Variants in NTRK2 observed in about 807,000 individuals in gnomAD.
NTRK2 encodes BDNF/NT-3 growth factors receptor.
NTRK2 carries 13 observed loss-of-function variants against 94.5 expected under a neutral mutation model. The observed-to-expected ratio is 0.14, with a 90% CI of 0.09 to 0.22. NTRK2 has a LOEUF of 0.22. Ranked by LOEUF, NTRK2 falls within the 10% of genes least tolerant of loss-of-function variation. The pLI is 1.00. For synonymous variants in NTRK2, 372 were observed against 407.4 expected, an observed-to-expected ratio of 0.91 and a Z score of 1.05; for missense variants, 639 against 1,071.2, an observed-to-expected ratio of 0.60 and a Z score of 5.63.
chr9:84,777,365 G>A (rs2067149545), intron 12 of NTRK2, among the ~76,000 whole-genome samples: 1 of 152,120 alleles, frequency 6.6e-6, no homozygotes, highest in Non-Finnish European at 1.5e-5. Context: ...GATAAATTGG[G>A]GTTAATAATC....
chr9:84,704,719 A>G (rs1370459764), intron 4 of NTRK2, among the ~76,000 whole-genome samples: 2 of 152,260 alleles, frequency 1.3e-5, no homozygotes, highest in Admixed American at 6.5e-5. Context: ...CATTTATTGA[A>G]TAGTAAGACA....
intron 2 of NTRK2, among the ~76,000 whole-genome samples, chr9:84,701,103 A>G (rs2060693909): frequency 6.6e-6 from 1 of 152,248 alleles, no homozygotes. Context: ...AGGAAATTCC[A>G]TGATGATGGT....
In NTRK2 at chr9:84,807,501, A is replaced by G. The variant is rs182982113; in HGVS notation, c.1397-53539A>G. Among the ~76,000 whole-genome samples the G allele has an allele frequency of 7.2e-5, 11 of 152,304 alleles. No individual in the cohort carries two copies. The East Asian group carries it at 2.1e-3, about 29-fold the overall frequency. ...CGTGCAATGGTGGCAAAGTTTCTCTAAAGTTGTTTTTGATAAAGGAGCTGG... is the reference window on the plus strand; with the variant it reads ...CGTGCAATGGTGGCAAAGTTTCTCTGAAGTTGTTTTTGATAAAGGAGCTGG... On this transcript the variant is annotated intron_variant, in intron 12 of 18. Transcript: ENST00000277120.
intron 15 of NTRK2, among the ~76,000 whole-genome samples, chr9:84,946,524 G>T (rs896145279): frequency 1.3e-5 from 2 of 152,210 alleles, no homozygotes; most frequent in African/African-American, 4.8e-5. Context: ...AGCATGAGGT[G>T]CACCTAGCAG....
chr9:84,760,616 T>G (rs116379939), intron 12 of NTRK2, among the ~76,000 whole-genome samples: 1 of 152,248 alleles, frequency 6.6e-6, no homozygotes, highest in African/African-American at 2.4e-5. Context: ...ATTCTTAATT[T>G]TATTGTCCTC....
At chr9:84,690,546 T>C (rs2059985518) in intron 2 of NTRK2, among the ~76,000 whole-genome samples, 1 of 99,842 alleles carries the variant, frequency 1.0e-5, no homozygotes, top group Admixed American at 1.2e-4. Flanking sequence ...GATAATTTAT[T>C]ACAAAAAAAA....
chr9:84,758,292 C>A (rs1217061006), intron 12 of NTRK2, among the ~76,000 whole-genome samples: 3 of 151,998 alleles, frequency 2.0e-5, no homozygotes, highest in African/African-American at 7.2e-5. Flanking sequence ...AAGATCTTTC[C>A]TGCTCTAAGG....
chr9:84,821,507 C>A (rs1433959016), intron 12 of NTRK2, among the ~76,000 whole-genome samples: 1 of 152,118 alleles, frequency 6.6e-6, no homozygotes, highest in South Asian at 2.1e-4. Flanking sequence ...ATTTTTTGCT[C>A]TTTGTTTTTA....
intron 14 of NTRK2, chr9:84,877,325 G>T: frequency 9.4e-7 from 1 of 1,066,058 alleles, no homozygotes; most frequent in Non-Finnish European, 1.1e-6. Context: ...AAGAACTTTG[G>T]TGTGAGGGCG....
chr9:85,003,803 C>T (rs1830578627), intron 17 of NTRK2, among the ~76,000 whole-genome samples: 1 of 151,070 alleles, frequency 6.6e-6, no homozygotes, highest in African/African-American at 2.4e-5. Flanking sequence ...TAGGTGTCAA[C>T]AGTGAAGATG....
At chr9:84,706,782 G>A (rs1162851223) in intron 4 of NTRK2, among the ~76,000 whole-genome samples, 3 of 151,332 alleles carry the variant, frequency 2.0e-5, no homozygotes, top group East Asian at 3.9e-4. Flanking sequence ...CACCCACCTC[G>A]GCCTCCCAAA....
At chr9:84,796,807 T>C (rs867517849) in intron 12 of NTRK2, among the ~76,000 whole-genome samples, 1 of 152,290 alleles carries the variant, frequency 6.6e-6, no homozygotes, top group East Asian at 1.9e-4. Context: ...GGAAACAAAC[T>C]TTTTAAGCAT....
intron 12 of NTRK2, chr9:84,812,268 A>G (rs1785750138): frequency 2.8e-6 from 3 of 1,056,610 alleles, no homozygotes; most frequent in Admixed American, 5.4e-5. Context: ...TACATTAGCC[A>G]CTAAATACGT....
chr9:84,934,025 C>G (rs1316884658), intron 14 of NTRK2, 137 bp from the exon 15 acceptor site: 2 of 901,054 alleles, frequency 2.2e-6, no homozygotes, highest in Non-Finnish European at 3.6e-6. Context: ...AGATGGACAC[C>G]CAGCTTCTTC....
At chr9:84,683,627 T>A (rs1587912722) in intron 2 of NTRK2, among the ~76,000 whole-genome samples, 1 of 152,226 alleles carries the variant, frequency 6.6e-6, no homozygotes, top group African/African-American at 2.4e-5. Context: ...TCTTTGCTAT[T>A]GTAAATAGTG....
rs1832753586 is a variant in NTRK2 at position 85,021,180 on chromosome 9, T to C, written c.2332-72T>C. 2.4e-5 allele frequency: 34 copies of C among 1,396,190 alleles called. No individual in the cohort carries two copies. In the Middle Eastern group the frequency reaches 7.1e-4, roughly 29 times the overall value. The allele number at this position is 1,396,190 out of a possible 1,614,324, so 86.5% of individuals were successfully genotyped here. ...TGTAAAAGCCCTCTCTTCTGCTGTT[T>C]TTTTGCACTGACATTTCTTCGATGT... On this transcript the variant is annotated intron_variant, in intron 18 of 18. Transcript: ENST00000277120.
At chr9:84,765,345 A>G (rs1236004129) in intron 12 of NTRK2, among the ~76,000 whole-genome samples, 1 of 152,206 alleles carries the variant, frequency 6.6e-6, no homozygotes, top group East Asian at 1.9e-4. Flanking sequence ...ATATGCCCAC[A>G]AAAATTGAAA....
chr9:84,686,850 G>C (rs982097124), intron 2 of NTRK2, among the ~76,000 whole-genome samples: 1 of 152,050 alleles, frequency 6.6e-6, no homozygotes, highest in South Asian at 2.1e-4. Flanking sequence ...AGATTAGAAG[G>C]CTTTTTAAAA....
chr9:84,773,245 T>C (rs1446462786), intron 12 of NTRK2, among the ~76,000 whole-genome samples: 1 of 152,252 alleles, frequency 6.6e-6, no homozygotes, highest in Non-Finnish European at 1.5e-5. Context: ...CATTCATTCC[T>C]TCAACATCTA....
Sources: allele counts gnomAD v4.1 joint callset (sites outside exome capture counted in the v4.1 genomes callset), GRCh38; gene constraint gnomAD v4.1.1; transcripts MANE v1.5; gene names NCBI Gene and HGNC (gene_info 2026-07-23, HGNC 2026-07-21).